CD34: variants seen among roughly 807,000 people sequenced by gnomAD.
The protein encoded by CD34 is CD34 molecule.
Under a neutral mutation model 40.1 loss-of-function variants are expected in CD34, and 34 were observed. The ratio of observed to expected loss-of-function variants is 0.85; its 90% confidence interval spans 0.65 to 1.13. CD34 has a LOEUF of 1.13. CD34 is among the 50% of genes most tolerant of loss of function. The pLI, the probability that CD34 is intolerant of heterozygous loss-of-function variation, is 0.00. For synonymous variants in CD34, 209 were observed against 190.0 expected, an observed-to-expected ratio of 1.10 and a Z score of -0.82; for missense variants, 426 against 466.9, an observed-to-expected ratio of 0.91 and a Z score of 0.81.
chr1:207,909,388 G>GT (rs982825255), intron 1 of CD34, among the ~76,000 whole-genome samples: 69 of 152,052 alleles, frequency 4.5e-4, no homozygotes, highest in African/African-American at 1.5e-3. Flanking sequence ...ACTCACCCCT[G>GT]TTTTTTTGTT....
intron 7 of CD34, among the ~76,000 whole-genome samples, chr1:207,888,336 C>T (rs1661953390): frequency 6.6e-6 from 1 of 152,202 alleles, no homozygotes; most frequent in Non-Finnish European, 1.5e-5. Flanking sequence ...AGCAAGGGGG[C>T]ACCCACTGGG....
At chr1:207,889,697 T>C in intron 4 of CD34, 76 bp from the exon 5 acceptor site, 1 of 1,608,206 alleles carries the variant, frequency 6.2e-7, no homozygotes. Flanking sequence ...GAGTCTCTGA[T>C]TACAGTCATA....
At chr1:207,893,663 A>G (rs768568896) in intron 4 of CD34, among the ~76,000 whole-genome samples, 2 of 152,224 alleles carry the variant, frequency 1.3e-5, no homozygotes, top group East Asian at 1.9e-4. Context: ...GATGAAGTCA[A>G]TGTGAATAAG....
rs746558536 is a variant in CD34 at position 207,889,507 on chromosome 1, C to T, written c.712G>A (p.Val238Met). ...VCSLLLAQSEVRPQCLLLVLA... is the reference protein window; with the variant it reads ...VCSLLLAQSEMRPQCLLLVLA... ...ACCAGCAGTAGACACTGAGGCCTCA[C>T]CTCAGACTGGGCAAGGAGCAGGGAG... The change falls in exon 5 of 8, where the codon GTG (valine) becomes ATG (methionine). Residue 238 changes from valine (V) to methionine (M), a missense_variant. By Grantham distance (21) the Val-to-Met change is conservative. Coordinates refer to ENST00000310833, the MANE Select transcript of CD34 (RefSeq NM_001025109.2). 26 of 1,614,018 alleles carry T rather than the reference C, an allele frequency of 1.6e-5. No homozygotes were observed. The East Asian group carries it at 3.8e-4, about 24-fold the overall frequency.
chr1:207,898,653 A>T, intron 3 of CD34, among the ~76,000 whole-genome samples: 1 of 152,198 alleles, frequency 6.6e-6, no homozygotes, highest in East Asian at 1.9e-4. Context: ...TCCCAAAGGG[A>T]AATGGTGTCC....
chr1:207,881,975 G>C lies in CD34; in HGVS notation c.*5763C>G, dbSNP rs1661819093. 1 of 152,176 alleles carries C rather than the reference G, an allele frequency of 6.6e-6. No individual in the cohort carries two copies. Among genetic ancestry groups the C allele is most frequent in the African/African-American group, 2.4e-5 (1 of 41,438 alleles). 9.4% of individuals were successfully genotyped at this position (152,176 alleles called of 1,614,324 possible). On this transcript the variant is annotated 3_prime_UTR_variant, in exon 8 of 8. Transcript: ENST00000310833. ...AGAGTGTAAGAGGGCTTTGAGAATA[G>C]CTGGTGTAGAACCTGCCTAACTCTC...
In CD34 at chr1:207,887,052, TAG is replaced by T. The variant is rs1661915852; in HGVS notation, c.*684_*685del. ...AGTTTCTGTGTGGCCCCAGAGAGAC[TAG>T]AACTGAGCTGTTTGTCCTAAAACTT... is the stretch of plus-strand genomic sequence containing the variant. On this transcript the variant is annotated 3_prime_UTR_variant, in exon 8 of 8. Transcript: ENST00000310833. 1 of 152,692 alleles carries T rather than the reference TAG, an allele frequency of 6.5e-6. No individual in the cohort carries two copies. Among genetic ancestry groups the T allele is most frequent in the Admixed American group, 6.5e-5 (1 of 15,276 alleles). 9.5% of individuals were successfully genotyped at this position (152,692 alleles called of 1,614,324 possible).
chr1:207,899,279 C>T, intron 2 of CD34, 53 bp from the exon 3 acceptor site: 1 of 1,592,368 alleles, frequency 6.3e-7, no homozygotes, highest in Non-Finnish European at 8.6e-7. Context: ...CATAGATACA[C>T]AAAATCTCAG....
intron 1 of CD34, among the ~76,000 whole-genome samples, chr1:207,908,086 A>G (rs2102307744): frequency 6.6e-6 from 1 of 152,340 alleles, no homozygotes. Flanking sequence ...GACCAACGGT[A>G]AGAAGTGGAA....
At chr1:207,910,223 T>G (rs1477318987) in intron 1 of CD34, among the ~76,000 whole-genome samples, 1 of 152,042 alleles carries the variant, frequency 6.6e-6, no homozygotes, top group Non-Finnish European at 1.5e-5. Context: ...CTTTAGAACT[T>G]GGAGCAGGGG....
chr1:207,905,710 C>T (rs763242566), intron 1 of CD34, among the ~76,000 whole-genome samples: 2 of 152,174 alleles, frequency 1.3e-5, no homozygotes, highest in East Asian at 1.9e-4. Context: ...AACATGATGC[C>T]GCAAGTGGAA....
At chr1:207,910,690 C>A (rs1157179936) in intron 1 of CD34, among the ~76,000 whole-genome samples, 1 of 146,398 alleles carries the variant, frequency 6.8e-6, no homozygotes, top group Non-Finnish European at 1.5e-5. Flanking sequence ...CACTCCGCGC[C>A]TCTGGCAACC....
chr1:207,890,929 T>C (rs1329737540), intron 4 of CD34, among the ~76,000 whole-genome samples: 1 of 152,218 alleles, frequency 6.6e-6, no homozygotes, highest in East Asian at 1.9e-4. Flanking sequence ...GCATTTGAAC[T>C]AAGTAGTCTG....
At chr1:207,906,997 G>A (rs1427974127) in intron 1 of CD34, among the ~76,000 whole-genome samples, 1 of 151,988 alleles carries the variant, frequency 6.6e-6, no homozygotes, top group East Asian at 1.9e-4. Context: ...AGACTCCTGG[G>A]TTGTGGCTCC....
intron 1 of CD34, among the ~76,000 whole-genome samples, chr1:207,908,522 C>T (rs1427035348): frequency 1.3e-5 from 2 of 152,108 alleles, no homozygotes. Context: ...TAGCCCTGGA[C>T]AGGATATGGG....
chr1:207,906,601 T>C (rs1175097787), intron 1 of CD34, among the ~76,000 whole-genome samples: 2 of 152,098 alleles, frequency 1.3e-5, no homozygotes, highest in African/African-American at 2.4e-5. Flanking sequence ...TCCCAACATT[T>C]TGGGAGGCCG....
Position 207,887,933 on chromosome 1 carries a change from G to A in CD34, c.973-10C>T, listed in dbSNP as rs1254937495. Reference sequence around the variant, plus strand: ...AATAAGGGTCTTCGCCCTAGACAGTGTATAAATAAAGTAGCATTATCTGGT... The same window carrying A: ...AATAAGGGTCTTCGCCCTAGACAGTATATAAATAAAGTAGCATTATCTGGT... On this transcript the variant is annotated splice_polypyrimidine_tract_variant and intron_variant, in intron 7 of 7. Transcript: ENST00000310833. The A allele has an allele frequency of 6.5e-7, 1 of 1,545,872 alleles. No individual in the cohort carries two copies. Among genetic ancestry groups the A allele is most frequent in the South Asian group, 1.1e-5 (1 of 89,980 alleles).
chr1:207,888,893 G>A (rs1053771459), intron 6 of CD34, 47 bp from the exon 7 acceptor site: 1 of 1,595,556 alleles, frequency 6.3e-7, no homozygotes, highest in African/African-American at 1.3e-5. Context: ...TGCCAAAAGT[G>A]GAGCCCAGCC....
At chr1:207,889,955 T>G in intron 4 of CD34, 1 of 1,469,830 alleles carries the variant, frequency 6.8e-7, no homozygotes, top group Non-Finnish European at 8.9e-7. Context: ...CAGAAAATAT[T>G]AATAATGCAA....
Sources: allele counts gnomAD v4.1 joint callset (sites outside exome capture counted in the v4.1 genomes callset), GRCh38; gene constraint gnomAD v4.1.1; transcripts MANE v1.5; gene names NCBI Gene and HGNC (gene_info 2026-07-23, HGNC 2026-07-21).